The following CSMD3 variants were observed in gnomAD, a reference collection of about 807,000 sequenced individuals.
CSMD3 encodes CUB and sushi domain-containing protein 3.
In CSMD3, 177 loss-of-function variants were observed where a neutral mutation model predicts 435.2. The observed-to-expected ratio is 0.41, with a 90% confidence interval of 0.36 to 0.46. The LOEUF is 0.46. Among genes scored for constraint, CSMD3 ranks in the 20% least tolerant of loss-of-function variants. CSMD3 has a pLI of 0.34. For missense variants in CSMD3, 4,265 were observed against 4,504.6 expected, an observed-to-expected ratio of 0.95 and a Z score of 1.52; for synonymous variants, 1,656 against 1,520.5, an observed-to-expected ratio of 1.09 and a Z score of -2.07.
At chr8:113,382,433 C>T (rs868856355) in intron 1 of CSMD3, among the ~76,000 whole-genome samples, 25 of 151,862 alleles carry the variant, frequency 1.6e-4, no homozygotes, top group Admixed American at 1.5e-3. Flanking sequence ...CCATTTTAGT[C>T]CTTTATCATT....
intron 5 of CSMD3, among the ~76,000 whole-genome samples, chr8:113,049,245 A>G (rs1209673952): frequency 2.0e-5 from 3 of 152,086 alleles, no homozygotes; most frequent in African/African-American, 7.2e-5. Flanking sequence ...TCTCAAAAAG[A>G]GAGAGGAGAG....
chr8:112,479,158 T>C (rs1443903798), intron 31 of CSMD3, among the ~76,000 whole-genome samples: 1 of 152,188 alleles, frequency 6.6e-6, no homozygotes, highest in Non-Finnish European at 1.5e-5. Context: ...CGTGGCCCAG[T>C]GAGGCCCAGG....
chr8:112,346,043 A>T, intron 41 of CSMD3, 54 bp downstream of exon 41: 1 of 975,598 alleles, frequency 1.0e-6, no homozygotes, highest in Non-Finnish European at 1.7e-6. Flanking sequence ...AATTTATTTT[A>T]AGGCTACATT....
At chr8:112,905,097 T>C (rs1236154166) in intron 10 of CSMD3, among the ~76,000 whole-genome samples, 2 of 151,350 alleles carry the variant, frequency 1.3e-5, no homozygotes, top group Non-Finnish European at 3.0e-5. Context: ...TCAGAAAGTT[T>C]AGATTGATGA....
At chr8:112,272,037 G>A (rs1419862208) in intron 59 of CSMD3, among the ~76,000 whole-genome samples, 7 of 152,266 alleles carry the variant, frequency 4.6e-5, no homozygotes, top group Non-Finnish European at 1.0e-4. Context: ...CAGTCAGGGC[G>A]TAACATGCAC....
At chr8:112,369,734 G>A (rs187800475) in intron 38 of CSMD3, among the ~76,000 whole-genome samples, 11 of 152,020 alleles carry the variant, frequency 7.2e-5, no homozygotes, top group African/African-American at 2.4e-4. Flanking sequence ...CAAGGGCAGG[G>A]AGAGCATTAG....
intron 41 of CSMD3, among the ~76,000 whole-genome samples, chr8:112,344,609 G>T (rs1825486997): frequency 6.6e-6 from 1 of 152,098 alleles, no homozygotes; most frequent in Admixed American, 6.6e-5. Context: ...GTGCTTCAAT[G>T]AGTATCTATT....
At position 112,916,056 on chromosome 8, in the gene CSMD3, G is replaced by T. The variant is rs183098430; in HGVS notation, c.1633+5571C>A. Among the ~76,000 whole-genome samples the T allele has an allele frequency of 2.0e-4, 31 of 151,868 alleles. No homozygotes were observed. In the East Asian group the frequency reaches 5.8e-3, roughly 29 times the overall value. On this transcript the variant is annotated intron_variant, in intron 10 of 70. Transcript: ENST00000297405. The stretch of plus-strand genomic sequence containing the variant: ...CAAATAAGTAAACTGATGTTCAGAA[G>T]ATATTAAGCAAATGAGCAAGGTTAT...
chr8:113,328,682 A>G (rs562858084), intron 1 of CSMD3, among the ~76,000 whole-genome samples: 1 of 142,808 alleles, frequency 7.0e-6, no homozygotes, highest in East Asian at 2.1e-4. Flanking sequence ...ACATTCTAGT[A>G]TTTAAAATAC....
At chr8:112,839,433 C>T (rs2080118834) in intron 11 of CSMD3, among the ~76,000 whole-genome samples, 1 of 151,660 alleles carries the variant, frequency 6.6e-6, no homozygotes. Context: ...CCATTGGTTC[C>T]TTTCCATCAT....
chr8:113,040,759 T>C (rs944202810), intron 5 of CSMD3, among the ~76,000 whole-genome samples: 2 of 152,020 alleles, frequency 1.3e-5, no homozygotes, highest in Non-Finnish European at 2.9e-5. Context: ...AATACACAGG[T>C]GGCTAAAGGA....
chr8:113,285,091 T>C (rs1394801517), intron 2 of CSMD3, among the ~76,000 whole-genome samples: 4 of 152,134 alleles, frequency 2.6e-5, no homozygotes, highest in Admixed American at 2.6e-4. Flanking sequence ...TCAGTTTTGG[T>C]TTTTGCACAA....
chr8:112,247,179 A>G, intron 63 of CSMD3, 48 bp from the exon 64 acceptor site: 1 of 1,135,538 alleles, frequency 8.8e-7, no homozygotes, highest in Non-Finnish European at 1.3e-6. Flanking sequence ...ACAACTTCAA[A>G]TATGGCAACA....
intron 27 of CSMD3, among the ~76,000 whole-genome samples, chr8:112,543,432 T>C (rs972595638): frequency 4.6e-5 from 7 of 152,118 alleles, no homozygotes; most frequent in Admixed American, 3.3e-4. Flanking sequence ...AGGTCTTGAA[T>C]AGGCATTTCT....
intron 1 of CSMD3, among the ~76,000 whole-genome samples, chr8:113,391,039 G>A (rs2094459218): frequency 6.6e-6 from 1 of 151,948 alleles, no homozygotes; most frequent in African/African-American, 2.4e-5. Context: ...ACAAGGCACT[G>A]GAGAAATAGA....
At chr8:112,837,402 G>A (rs1333118049) in intron 11 of CSMD3, among the ~76,000 whole-genome samples, 1 of 151,542 alleles carries the variant, frequency 6.6e-6, no homozygotes, top group East Asian at 1.9e-4. Flanking sequence ...TAGTGAGACA[G>A]GATAATATAG....
chr8:112,876,670 T>C (rs572419797), intron 10 of CSMD3, among the ~76,000 whole-genome samples: 163 of 151,846 alleles, frequency 1.1e-3, no homozygotes, highest in Non-Finnish European at 1.9e-3. Context: ...CTAGGTATGC[T>C]GGAAGCATTC....
intron 23 of CSMD3, among the ~76,000 whole-genome samples, chr8:112,584,641 C>T (rs1218694800): frequency 1.3e-5 from 2 of 151,658 alleles, no homozygotes; most frequent in East Asian, 3.9e-4. Context: ...AAAATCTCTC[C>T]TCCTAAACTT....
intron 13 of CSMD3, among the ~76,000 whole-genome samples, chr8:112,799,923 T>C (rs950460045): frequency 1.3e-5 from 2 of 151,886 alleles, no homozygotes; most frequent in South Asian, 2.1e-4. Flanking sequence ...AAGGATAGTA[T>C]AATATACTGG....
Sources: allele counts gnomAD v4.1 joint callset (sites outside exome capture counted in the v4.1 genomes callset), GRCh38; gene constraint gnomAD v4.1.1; transcripts MANE v1.5; gene names NCBI Gene and HGNC (gene_info 2026-07-23, HGNC 2026-07-21).